FRMD3: variants seen among roughly 807,000 people sequenced by gnomAD.
FRMD3 encodes FERM domain containing 3, also known as FERM domain-containing protein 3.
In FRMD3, 33 loss-of-function variants were observed where a neutral mutation model predicts 70.2. The ratio of observed to expected loss-of-function variants is 0.47; its 90% CI spans 0.36 to 0.63. The LOEUF is 0.63. FRMD3 is among the 20% of genes least tolerant of loss of function. The pLI is 0.00. For synonymous variants in FRMD3, 279 were observed against 255.9 expected, an observed-to-expected ratio of 1.09 and a Z score of -0.86; for missense variants, 632 against 711.4, an observed-to-expected ratio of 0.89 and a Z score of 1.27.
At chr9:83,568,894 T>C in the FRMD3 span, among the ~76,000 whole-genome samples, 1 of 151,694 alleles carries the variant, frequency 6.6e-6, no homozygotes, top group African/African-American at 2.4e-5. Flanking sequence ...TCCATAAATG[T>C]GAATAACTAC....
the FRMD3 span, among the ~76,000 whole-genome samples, chr9:83,570,815 C>T: frequency 1.1e-4 from 16 of 152,250 alleles, no homozygotes; most frequent in Non-Finnish European, 2.1e-4. Flanking sequence ...AGTTAGGAAT[C>T]GGCTTCCGTA....
At chr9:83,441,214 C>T (rs1389060755) in intron 1 of FRMD3, among the ~76,000 whole-genome samples, 1 of 152,190 alleles carries the variant, frequency 6.6e-6, no homozygotes, top group Non-Finnish European at 1.5e-5. Flanking sequence ...CCCTGCTGAC[C>T]GAGAGACTAA....
intron 1 of FRMD3, among the ~76,000 whole-genome samples, chr9:83,426,810 C>T (rs1350685091): frequency 1.3e-5 from 2 of 152,158 alleles, no homozygotes; most frequent in South Asian, 4.1e-4. Context: ...TTCTGAGTTA[C>T]AGGCCTGAGA....
intron 13 of FRMD3, chr9:83,267,015 T>C: frequency 6.4e-7 from 1 of 1,550,774 alleles, no homozygotes; most frequent in Non-Finnish European, 8.7e-7. Flanking sequence ...CACATACCAG[T>C]GTTACGAGCT....
At chr9:83,561,162 C>T in the FRMD3 span, among the ~76,000 whole-genome samples, 1 of 152,148 alleles carries the variant, frequency 6.6e-6, no homozygotes, top group Non-Finnish European at 1.5e-5. Context: ...TTTAATGTTA[C>T]TTCTTTTCTG....
At chr9:83,460,708 C>T (rs765366385) in intron 1 of FRMD3, among the ~76,000 whole-genome samples, 2 of 152,176 alleles carry the variant, frequency 1.3e-5, no homozygotes, top group Non-Finnish European at 2.9e-5. Flanking sequence ...CAAAAAGGTA[C>T]ATTCAGAAAA....
chr9:83,293,352 C>T (rs539788267), intron 12 of FRMD3, among the ~76,000 whole-genome samples: 1 of 152,260 alleles, frequency 6.6e-6, no homozygotes, highest in South Asian at 2.1e-4. Flanking sequence ...GTCTGTGTAG[C>T]TTTCTGACCT....
At chr9:83,378,787 T>TATA (rs1564047912) in intron 2 of FRMD3, among the ~76,000 whole-genome samples, 19 of 86,648 alleles carry the variant, frequency 2.2e-4, no homozygotes, top group African/African-American at 8.4e-4. Context: ...ATATATTATA[T>TATA]ATGTATAATT....
chr9:83,518,893 A>G (rs965325465), intron 1 of FRMD3, among the ~76,000 whole-genome samples: 6 of 152,386 alleles, frequency 3.9e-5, no homozygotes, highest in African/African-American at 1.4e-4. Flanking sequence ...CAACGGGGAA[A>G]GGATTCCCTA....
At chr9:83,509,875 G>A (rs1037630037) in intron 1 of FRMD3, among the ~76,000 whole-genome samples, 8 of 152,108 alleles carry the variant, frequency 5.3e-5, no homozygotes, top group African/African-American at 4.8e-5. Flanking sequence ...CATTCTCTGT[G>A]TGGTGGGCTT....
Position 83,335,646 on chromosome 9 carries a change from T to A in FRMD3, c.473-7A>T, listed in dbSNP as rs754512599. ...TCGTAATCACCAAGCTCAGCTGTAATGAGTGAAAAAATAAAGAGACAGAGA... is the reference window on the plus strand; with the variant it reads ...TCGTAATCACCAAGCTCAGCTGTAAAGAGTGAAAAAATAAAGAGACAGAGA... On this transcript the variant is annotated splice_polypyrimidine_tract_variant and splice_region_variant and intron_variant, in intron 5 of 13. Transcript: ENST00000304195. 3.1e-6 allele frequency: 5 copies of A among 1,609,078 alleles called. No homozygotes were observed. The Admixed American group carries it at 6.8e-5, about 22-fold the overall frequency.
chr9:83,339,060 C>A (rs1329901585), intron 5 of FRMD3, among the ~76,000 whole-genome samples: 4 of 152,126 alleles, frequency 2.6e-5, no homozygotes, highest in Non-Finnish European at 5.9e-5. Flanking sequence ...TGTCAGCTTG[C>A]AGAGTGGTTG....
upstream of FRMD3, among the ~76,000 whole-genome samples, chr9:83,541,063 T>A (rs1377848902): frequency 2.0e-5 from 3 of 152,216 alleles, no homozygotes; most frequent in African/African-American, 7.2e-5. Context: ...AACGAGGCTG[T>A]TCCTGCTTTG....
At chr9:83,497,936 T>G (rs572153999) in intron 1 of FRMD3, among the ~76,000 whole-genome samples, 3 of 152,254 alleles carry the variant, frequency 2.0e-5, no homozygotes, top group African/African-American at 7.2e-5. Flanking sequence ...TCACCTGAGG[T>G]CAGGAGTTTG....
intron 3 of FRMD3, among the ~76,000 whole-genome samples, chr9:83,357,157 A>G (rs1191053372): frequency 2.1e-5 from 3 of 142,088 alleles, no homozygotes; most frequent in Non-Finnish European, 4.6e-5. Context: ...TATATATAAC[A>G]TACATGGAAT....
Position 83,372,917 on chromosome 9 carries a change from C to T in FRMD3, c.291G>A (p.Met97Ile). The part of the protein sequence containing the change: ...LEPNKSIFKQ[M>I]KTHPPYTMCF... Reference sequence around the variant, plus strand: ...AAGTCACAGATTGACACTTACTTTTCATTTGCTTGAAGATGGACTTGTTAG... The same window carrying T: ...AAGTCACAGATTGACACTTACTTTTTATTTGCTTGAAGATGGACTTGTTAG... The change falls in exon 3 of 14, where the codon ATG (methionine) becomes ATA (isoleucine). Residue 97 changes from methionine to isoleucine, a missense_variant. Met to Ile is a conservative substitution (Grantham distance 10, BLOSUM62 1). Coordinates refer to ENST00000304195, the MANE Select transcript of FRMD3 (RefSeq NM_174938.6). 6.2e-7 allele frequency: 1 copy of T among 1,611,542 alleles called. No individual in the cohort carries two copies.
intron 1 of FRMD3, among the ~76,000 whole-genome samples, chr9:83,459,864 C>T (rs1478301785): frequency 6.6e-6 from 1 of 152,230 alleles, no homozygotes; most frequent in African/African-American, 2.4e-5. Context: ...AGGATGGGGG[C>T]CTGGCCAGGG....
chr9:83,310,410 T>A (rs1454715883), intron 9 of FRMD3, 75 bp downstream of exon 9: 2 of 1,157,474 alleles, frequency 1.7e-6, no homozygotes, highest in African/African-American at 1.6e-5. Flanking sequence ...ACTACAATAC[T>A]AAAGGCATAT....
intron 1 of FRMD3, among the ~76,000 whole-genome samples, chr9:83,535,004 A>G (rs1829862810): frequency 6.6e-6 from 1 of 152,242 alleles, no homozygotes; most frequent in Non-Finnish European, 1.5e-5. Context: ...ATGGGGTAAT[A>G]TGTCAAAGAC....
Sources: gnomAD v4.1 joint callset for allele counts (sites outside exome capture counted in the v4.1 genomes callset) on GRCh38, gnomAD v4.1.1 for gene constraint, MANE v1.5 for transcripts, NCBI Gene and HGNC (gene_info 2026-07-23, HGNC 2026-07-21) for gene names.